Variants in ERN2 observed in about 807,000 individuals in gnomAD.
ERN2 encodes serine/threonine-protein kinase/endoribonuclease IRE2.
In ERN2, 111 loss-of-function variants were observed where a neutral mutation model predicts 107.9. The ratio of observed to expected loss-of-function variants is 1.03; its 90% CI spans 0.88 to 1.20. The LOEUF is 1.20. Among genes scored for constraint, ERN2 ranks in the 50% most tolerant of loss-of-function variants. The pLI is 0.00. For missense variants in ERN2, 1,225 were observed against 1,197.9 expected, an observed-to-expected ratio of 1.02 and a Z score of -0.33; for synonymous variants, 524 against 501.7, an observed-to-expected ratio of 1.04 and a Z score of -0.59.
At chr16:23,702,019 C>T (rs1304998877) in intron 11 of ERN2, 133 bp downstream of exon 11, 2 of 889,078 alleles carry the variant, frequency 2.2e-6, no homozygotes, top group East Asian at 5.1e-5. Context: ...AACAAAAAGT[C>T]TGGGAAATTG....
At chr16:23,695,148 T>C in intron 15 of ERN2, 30 bp from the exon 16 acceptor site, 1 of 1,613,376 alleles carries the variant, frequency 6.2e-7, no homozygotes, top group African/African-American at 1.3e-5. Context: ...AAAGCATCAC[T>C]CTCCAGCCCG....
chr16:23,701,846 G>C (rs1960081155), intron 11 of ERN2, among the ~76,000 whole-genome samples: 1 of 151,662 alleles, frequency 6.6e-6, no homozygotes, highest in South Asian at 2.1e-4. Flanking sequence ...ATATTACCCA[G>C]GCTGGTCTCA....
intron 1 of ERN2, among the ~76,000 whole-genome samples, chr16:23,711,738 T>C (rs956847738): frequency 6.6e-6 from 1 of 152,244 alleles, no homozygotes; most frequent in Non-Finnish European, 1.5e-5. Context: ...GGTTAGGTCA[T>C]TGGCATAAAG....
At chr16:23,692,386 C>G (rs1959637775) in intron 17 of ERN2, 55 bp from the exon 18 acceptor site, 8 of 1,593,082 alleles carry the variant, frequency 5.0e-6, no homozygotes, top group Non-Finnish European at 6.8e-6. Context: ...GGAAGTCAGC[C>G]TGGCTAAATT....
intron 13 of ERN2, among the ~76,000 whole-genome samples, chr16:23,698,658 T>C (rs900727441): frequency 3.3e-5 from 5 of 152,182 alleles, no homozygotes; most frequent in African/African-American, 1.2e-4. Flanking sequence ...CAATCTTGGC[T>C]CATTGCAACC....
At chr16:23,695,143 A>G in intron 15 of ERN2, 25 bp from the exon 16 acceptor site, 2 of 1,613,572 alleles carry the variant, frequency 1.2e-6, no homozygotes, top group Non-Finnish European at 1.7e-6. Flanking sequence ...GGGCCAAAGC[A>G]TCACTCTCCA....
intron 19 of ERN2, 87 bp downstream of exon 19, chr16:23,691,876 C>T: frequency 6.6e-7 from 1 of 1,513,076 alleles, no homozygotes; most frequent in Non-Finnish European, 8.9e-7. Context: ...TTCCTGTTTT[C>T]CCTCAGCTAA....
rs755265753 is a variant in ERN2, at chr16:23,704,929, G to C, written c.808C>G (p.Pro270Ala). The C allele has an allele frequency of 5.0e-6, 8 of 1,613,422 alleles. No individual in the cohort carries two copies. The Admixed American group carries it at 1.3e-4, about 27-fold the overall frequency. Residue 270 changes from proline to alanine, a missense_variant, in exon 8 of 22, where the codon CCC becomes GCC. Transcript: ENST00000256797. ...WGHIRLPASG[P>A]RDTATLFSTL... ...GAGAAGAGGGTGGCTGTGTCCCGGG[G>C]GCCTGAGGCAGGCAGTCGGATGTGG... is the stretch of plus-strand genomic sequence containing the variant.
chr16:23,702,144 G>T lies in ERN2; in HGVS notation c.1203+8C>A, dbSNP rs768870145. The T allele has an allele frequency of 6.2e-7, 1 of 1,611,464 alleles. No homozygotes were observed. On this transcript the variant is annotated splice_region_variant and intron_variant, in intron 11 of 21. Transcript: ENST00000256797. The stretch of plus-strand genomic sequence containing the variant: ...CCTACCCCCACTCTCTCCCCTCCCA[G>T]CACTGACCTCCAAGAAGAAGGCTGG...
At chr16:23,707,379 T>C (rs185409829) in intron 4 of ERN2, 325 of 392,150 alleles carry the variant, frequency 8.3e-4, no homozygotes, top group Admixed American at 1.5e-3. Context: ...CAAGGTATCA[T>C]GTGAGCCACT....
chr16:23,710,115 C>T, intron 4 of ERN2, 57 bp downstream of exon 4: 2 of 1,209,962 alleles, frequency 1.7e-6, no homozygotes, highest in Non-Finnish European at 2.5e-6. Flanking sequence ...CCTCTCAGTG[C>T]TCCAGCTGAC....
At chr16:23,693,599 A>ATATAT (rs561633288) in intron 17 of ERN2, among the ~76,000 whole-genome samples, 146 of 135,102 alleles carry the variant, frequency 1.1e-3, no homozygotes, top group African/African-American at 4.1e-3. Context: ...CAAAAAAAAA[A>ATATAT]AAATATATAT....
At position 23,692,341 on chromosome 16, in the gene ERN2, G is replaced by A; in HGVS notation, c.2101-10C>T. ...TGTCCACAGCGCTGGTCTGGAGCCA[G>A]AGAGATGGGCATGAGAAGGAAATCT... is the stretch of plus-strand genomic sequence containing the variant. On this transcript the variant is annotated splice_polypyrimidine_tract_variant and intron_variant, in intron 17 of 21. Coordinates refer to ENST00000256797, the MANE Select transcript of ERN2 (RefSeq NM_033266.4). 6.2e-7 allele frequency: 1 copy of A among 1,611,086 alleles called. No homozygotes were observed.
Position 23,692,272 on chromosome 16 carries a change from G to A in ERN2, c.2160C>T (p.Gly720=). 1 of 1,614,120 alleles carries A rather than the reference G, an allele frequency of 6.2e-7. No individual in the cohort carries two copies. The highest frequency in any genetic ancestry group is 8.5e-7 in the Non-Finnish European group (1 of 1,180,038). The part of the protein sequence containing the change: ...GCVFYYVLSG[G]SHPFGDSLYR... ...AAAGACTGTCTCCAAAGGGGTGGCTGCCACCAGAAAGCACGTAGTAGAACA... is the reference window on the plus strand; with the variant it reads ...AAAGACTGTCTCCAAAGGGGTGGCTACCACCAGAAAGCACGTAGTAGAACA... Residue 720 remains glycine, a synonymous_variant, in exon 18 of 22, where the codon GGC becomes GGT. Transcript: ENST00000256797.
intron 13 of ERN2, 24 bp downstream of exon 13, chr16:23,700,515 C>A (rs1960003229): frequency 6.3e-7 from 1 of 1,594,968 alleles, no homozygotes; most frequent in Admixed American, 1.8e-5. Context: ...TCCTGACTGC[C>A]CTGTCTTGTT....
chr16:23,708,347 C>CTTT lies in ERN2; in HGVS notation c.307-1271_307-1269dup, dbSNP rs747761449. 1.1e-3 allele frequency among the ~76,000 whole-genome samples: 59 copies of CTTT among 54,718 alleles called. 4 individuals are homozygous for CTTT. Among genetic ancestry groups the CTTT allele is most frequent in the African/African-American group, 4.4e-3 (55 of 12,540 alleles). The allele number at this position is 54,718 out of a possible 152,430, so 35.9% of individuals were successfully genotyped here. A position where few individuals can be genotyped will look rare whatever the true frequency, so the allele number is the denominator to read the frequency against. On this transcript the variant is annotated intron_variant, in intron 4 of 21. Transcript: ENST00000256797. ...CCAGATCTTTCCATTTGGTGCTATT[C>CTTT]TTTTTTTTTTTTTTTTTTTTTTTTT...
intron 7 of ERN2, among the ~76,000 whole-genome samples, chr16:23,705,803 A>T: frequency 6.6e-6 from 1 of 152,162 alleles, no homozygotes; most frequent in East Asian, 1.9e-4. Flanking sequence ...AGTCCCAGCT[A>T]TTCAGGAGGC....
Sources: gnomAD v4.1 joint callset for allele counts (sites outside exome capture counted in the v4.1 genomes callset) on GRCh38, gnomAD v4.1.1 for gene constraint, MANE v1.5 for transcripts, NCBI Gene and HGNC (gene_info 2026-07-23, HGNC 2026-07-21) for gene names.